The following CADM1 variants were observed in gnomAD, a reference collection of about 807,000 sequenced individuals.
The protein encoded by CADM1 is TSLC-1.
Under a neutral mutation model 53.1 loss-of-function variants are expected in CADM1, and 15 were observed. The ratio of observed to expected loss-of-function variants is 0.28; its 90% CI spans 0.19 to 0.44. The LOEUF (loss-of-function observed/expected upper bound fraction) is 0.44. CADM1 is among the 20% of genes least tolerant of loss of function. The pLI, the probability that CADM1 is intolerant of heterozygous loss-of-function variation, is 1.00. For synonymous variants in CADM1, 281 were observed against 243.0 expected (o/e 1.16, Z -1.45); for missense variants, 434 against 611.3 (o/e 0.71, Z 3.06).
At chr11:115,436,485 C>T (rs887962613) in intron 1 of CADM1, among the ~76,000 whole-genome samples, 16 of 152,170 alleles carry the variant, frequency 1.1e-4, no homozygotes, top group African/African-American at 3.1e-4. Context: ...ACTCTCTGCT[C>T]TATGTTCCAC....
chr11:115,345,379 G>C (rs563013702), intron 1 of CADM1, among the ~76,000 whole-genome samples: 2 of 152,264 alleles, frequency 1.3e-5, no homozygotes, highest in Non-Finnish European at 2.9e-5. Flanking sequence ...GAAAATGTCA[G>C]TGCTCAGCAA....
At chr11:115,389,354 A>G (rs998192145) in intron 1 of CADM1, among the ~76,000 whole-genome samples, 1 of 152,238 alleles carries the variant, frequency 6.6e-6, no homozygotes, top group Non-Finnish European at 1.5e-5. Flanking sequence ...TGAATTTAAA[A>G]TAACATACAC....
chr11:115,208,031 TGG>T (rs1940779605), intron 8 of CADM1, among the ~76,000 whole-genome samples: 1 of 152,216 alleles, frequency 6.6e-6, no homozygotes, highest in Non-Finnish European at 1.5e-5. Flanking sequence ...TTTGATATGC[TGG>T]TGAATAGTAT....
chr11:115,202,139 G>T (rs1019212314), intron 8 of CADM1, among the ~76,000 whole-genome samples: 1 of 151,506 alleles, frequency 6.6e-6, no homozygotes, highest in Non-Finnish European at 1.5e-5. Context: ...AATAAAAAAA[G>T]CTCTGACAAT....
At chr11:115,493,740 A>G (rs1949549656) in intron 1 of CADM1, among the ~76,000 whole-genome samples, 1 of 152,160 alleles carries the variant, frequency 6.6e-6, no homozygotes, top group African/African-American at 2.4e-5. Flanking sequence ...TTTAATCTGA[A>G]CTGAACCATG....
rs1938716495 is a variant in CADM1, at chr11:115,169,372, G to C, written c.*7102C>G. The C allele has an allele frequency of 2.9e-6, 1 of 341,244 alleles. No individual in the cohort carries two copies. Among genetic ancestry groups the C allele is most frequent in the African/African-American group, 2.1e-5 (1 of 46,516 alleles). 21.1% of individuals were successfully genotyped at this position (341,244 alleles called of 1,614,324 possible). A position where few individuals can be genotyped will look rare whatever the true frequency, so the allele number is the denominator to read the frequency against. On this transcript the variant is annotated 3_prime_UTR_variant, in exon 12 of 12. Transcript: ENST00000331581. ...TATTATTTTCCATAAACTGTCTTAA[G>C]CATCTCCCGGGCTACATTTCTGGCT...
chr11:115,315,989 C>T (rs1466831428), intron 1 of CADM1, among the ~76,000 whole-genome samples: 2 of 152,080 alleles, frequency 1.3e-5, no homozygotes, highest in African/African-American at 2.4e-5. Flanking sequence ...TAATATGGAG[C>T]ATTCCAGCTC....
At chr11:115,415,568 G>A (rs1235448075) in intron 1 of CADM1, among the ~76,000 whole-genome samples, 1 of 152,068 alleles carries the variant, frequency 6.6e-6, no homozygotes, top group East Asian at 1.9e-4. Flanking sequence ...CAGGCCCAGT[G>A]GCTCACATCT....
At chr11:115,327,869 TG>T (rs1365400861) in intron 1 of CADM1, among the ~76,000 whole-genome samples, 1 of 152,202 alleles carries the variant, frequency 6.6e-6, no homozygotes, top group African/African-American at 2.4e-5. Context: ...TGTCTGTCTT[TG>T]GGGTGTCAGA....
chr11:115,251,172 G>A (rs567021270), intron 1 of CADM1, among the ~76,000 whole-genome samples: 8 of 152,286 alleles, frequency 5.3e-5, no homozygotes, highest in African/African-American at 1.2e-4. Context: ...ACCCAAACTC[G>A]AAAGGCAGCT....
At chr11:115,429,529 T>G (rs1947985592) in intron 1 of CADM1, among the ~76,000 whole-genome samples, 1 of 149,780 alleles carries the variant, frequency 6.7e-6, no homozygotes, top group Non-Finnish European at 1.5e-5. Flanking sequence ...TGCTTGAGTC[T>G]GGGAAGCCGA....
chr11:115,211,208 A>G (rs1464138939), intron 7 of CADM1, among the ~76,000 whole-genome samples: 1 of 152,006 alleles, frequency 6.6e-6, no homozygotes, highest in Non-Finnish European at 1.5e-5. Context: ...GCATTTTGTG[A>G]CCTGGAAACT....
chr11:115,452,542 C>G (rs960932039), intron 1 of CADM1, among the ~76,000 whole-genome samples: 9 of 152,120 alleles, frequency 5.9e-5, no homozygotes, highest in Non-Finnish European at 8.8e-5. Flanking sequence ...TCATTCGGAC[C>G]AGAGAGTTAT....
intron 2 of CADM1, 130 bp downstream of exon 2, chr11:115,240,144 C>A: frequency 1.2e-6 from 1 of 804,222 alleles, no homozygotes; most frequent in Non-Finnish European, 2.0e-6. Context: ...TCTCTTCTTC[C>A]CTCTAAAGAA....
At chr11:115,305,269 G>C (rs1399057267) in intron 1 of CADM1, among the ~76,000 whole-genome samples, 1 of 151,980 alleles carries the variant, frequency 6.6e-6, no homozygotes, top group East Asian at 1.9e-4. Flanking sequence ...AAGATTATCT[G>C]GACTCCTGCC....
intron 2 of CADM1, among the ~76,000 whole-genome samples, chr11:115,239,324 C>T (rs1004003696): frequency 5.9e-5 from 9 of 152,102 alleles, no homozygotes; most frequent in Admixed American, 1.3e-4. Context: ...TGGATGACCT[C>T]GAGCCTACGG....
rs368790793 is a variant in CADM1, at chr11:115,500,023, A to G, written c.124+4248T>C. Among the ~76,000 whole-genome samples the G allele has an allele frequency of 6.6e-5, 10 of 152,258 alleles. No individual in the cohort carries two copies. The East Asian group carries it at 1.7e-3, about 26-fold the overall frequency. Reference sequence around the variant, plus strand: ...CACACTGATACCATTAGGTGCTTATATGGGACTAATTGCTTCCAACTCAAA... The same window carrying G: ...CACACTGATACCATTAGGTGCTTATGTGGGACTAATTGCTTCCAACTCAAA... On this transcript the variant is annotated intron_variant, in intron 1 of 11. Coordinates refer to ENST00000331581, the MANE Select transcript of CADM1 (RefSeq NM_001301043.2).
intron 1 of CADM1, among the ~76,000 whole-genome samples, chr11:115,449,661 C>A (rs1338031440): frequency 6.6e-6 from 1 of 152,156 alleles, no homozygotes; most frequent in African/African-American, 2.4e-5. Flanking sequence ...GTTGCATCTA[C>A]TGCTTTAGAA....
At chr11:115,231,298 G>C in intron 4 of CADM1, 55 bp downstream of exon 4, 9 of 1,584,906 alleles carry the variant, frequency 5.7e-6, no homozygotes, top group Non-Finnish European at 7.8e-6. Context: ...TTTTCACAAA[G>C]GCATATCTGC....
Sources: gnomAD v4.1 joint callset for allele counts (sites outside exome capture counted in the v4.1 genomes callset) on GRCh38, gnomAD v4.1.1 for gene constraint, MANE v1.5 for transcripts, NCBI Gene and HGNC (gene_info 2026-07-23, HGNC 2026-07-21) for gene names.